The following LRP4 variants were observed in gnomAD, a reference collection of about 807,000 sequenced individuals.
LRP4 encodes low-density lipoprotein receptor-related protein 4.
LRP4 carries 95 observed loss-of-function variants against 220.3 expected under a neutral mutation model. The ratio of observed to expected loss-of-function variants is 0.43; its 90% CI spans 0.37 to 0.51. LRP4 has a LOEUF of 0.51. Among genes scored for constraint, LRP4 ranks in the 20% least tolerant of loss-of-function variants. LRP4 has a pLI of 0.00. For missense variants in LRP4, 1,925 were observed against 2,567.0 expected (o/e 0.75, Z 5.40); for synonymous variants, 903 against 954.6 (o/e 0.95, Z 1.00).
intron 12 of LRP4, 29 bp from the exon 13 acceptor site, chr11:46,893,158 A>C (rs755277182): frequency 5.0e-6 from 8 of 1,613,868 alleles, no homozygotes; most frequent in Admixed American, 3.3e-5. Context: ...AAAAAATGTC[A>C]AGGAGTCAAC....
rs753736864 is a variant in LRP4 at position 46,875,731 on chromosome 11, C to T, written c.3700-50G>A. 2.5e-6 allele frequency: 4 copies of T among 1,612,884 alleles called. No homozygotes were observed. Among genetic ancestry groups the T allele is most frequent in the Non-Finnish European group, 3.4e-6 (4 of 1,179,062 alleles). ...GGTGGTGATCAGCAGATTGGGAACT[C>T]TCCATGGAGATCCTAGGCAGGCCTT... On this transcript the variant is annotated intron_variant, in intron 26 of 37. Coordinates refer to ENST00000378623, the MANE Select transcript of LRP4 (RefSeq NM_002334.4). The surrounding 1 kb of genome is among the most constrained non-coding windows in gnomAD (Gnocchi z 4.5).
intron 7 of LRP4, 27 bp downstream of exon 7, chr11:46,898,525 TCAAGCC>T (rs769136959): frequency 1.3e-5 from 21 of 1,613,566 alleles, no homozygotes; most frequent in Non-Finnish European, 1.5e-5. Context: ...TCTCCTTAGT[TCAAGCC>T]CAACCTAATT....
chr11:46,881,110 G>A (rs1551743), intron 20 of LRP4, among the ~76,000 whole-genome samples: 144,374 of 144,526 alleles, frequency 1, 72,111 homozygotes, highest in Middle Eastern at 1. Context: ...ATCAATGTTA[G>A]ATTTCCTGAT....
In LRP4 at chr11:46,873,127, C is replaced by A; in HGVS notation, c.4556G>T (p.Gly1519Val). Residue 1519 changes from glycine to valine, a missense_variant, in exon 30 of 38, where the codon GGC (glycine) becomes GTC (valine). Around this residue, in one of 3 missense-constraint regions of LRP4, gnomAD observed 1,244 missense variants for 1,624.9 expected, o/e 0.77. Transcript: ENST00000378623. This position sits in a 1 kb window ranked among gnomAD's most constrained non-coding sequence, Gnocchi z 4.2. ...LINTDLGWPN[G>V]LTLDYDTRRI... ...GCGGGTATCATAGTCCAGGGTAAGG[C>A]CATTGGGCCAACCCAGGTCTGTGTT... 6.2e-7 allele frequency: 1 copy of A among 1,614,198 alleles called. No homozygotes were observed. The highest frequency in any genetic ancestry group is 2.2e-5 in the East Asian group (1 of 44,884).
intron 7 of LRP4, among the ~76,000 whole-genome samples, chr11:46,897,477 A>G (rs1408049045): frequency 1.2e-4 from 18 of 150,372 alleles, no homozygotes; most frequent in Non-Finnish European, 1.8e-4. Flanking sequence ...CAGATAAACA[A>G]GTGAACAAAG....
chr11:46,875,323 T>G lies in LRP4; in HGVS notation c.3925+133A>C, dbSNP rs1940981164. ...TACCCAGAGAGAACACAGCCCAATC[T>G]GGAAGGGAGCTTAAACAGGTCACCG... is the stretch of plus-strand genomic sequence containing the variant. On this transcript the variant is annotated intron_variant, in intron 27 of 37. Transcript: ENST00000378623. This position sits in a 1 kb window ranked among gnomAD's most constrained non-coding sequence, Gnocchi z 4.5. 6.4e-6 allele frequency: 6 copies of G among 940,490 alleles called. No individual in the cohort carries two copies. 58.3% of individuals were successfully genotyped at this position (940,490 alleles called of 1,614,324 possible). A position where few individuals can be genotyped will look rare whatever the true frequency, so the allele number is the denominator to read the frequency against.
intron 11 of LRP4, 107 bp from the exon 12 acceptor site, chr11:46,894,926 T>G (rs773859999): frequency 5.6e-6 from 6 of 1,079,586 alleles, no homozygotes; most frequent in Non-Finnish European, 8.4e-6. Flanking sequence ...CACAAGGACA[T>G]GCCCCAAGCT....
At position 46,875,589 on chromosome 11, in the gene LRP4, A is replaced by G. The variant is rs1220952092; in HGVS notation, c.3792T>C (p.Tyr1264=). 1 of 1,614,052 alleles carries G rather than the reference A, an allele frequency of 6.2e-7. No individual in the cohort carries two copies. Among genetic ancestry groups the G allele is most frequent in the Non-Finnish European group, 8.5e-7 (1 of 1,180,002 alleles). ...HPYGLTLLDS[Y]IYWTDWQTRS... is the part of the protein sequence containing the mutation. ...GAGTCTGCCAGTCAGTCCAGTAGATATAGGAGTCGAGCAGGGTGAGGCCAT... is the reference window on the plus strand; with the variant it reads ...GAGTCTGCCAGTCAGTCCAGTAGATGTAGGAGTCGAGCAGGGTGAGGCCAT... The change falls in exon 27 of 38, where the codon TAT becomes TAC. Residue 1264 remains tyrosine (Y), a synonymous_variant. Transcript: ENST00000378623. The surrounding 1 kb of genome is among the most constrained non-coding windows in gnomAD (Gnocchi z 4.5).
In LRP4 at chr11:46,862,652, G is replaced by A; in HGVS notation, c.5339C>T (p.Ala1780Val). The change falls in exon 37 of 38, where the codon GCA becomes GTA. Residue 1780 changes from alanine to valine, a missense_variant. This residue lies in a region of LRP4 where 1,244 missense variants were observed against 1,624.9 expected (regional missense o/e 0.77). Coordinates refer to ENST00000378623, the MANE Select transcript of LRP4 (RefSeq NM_002334.4). ...RTSTQEVKIE[A>V]IPKPAMYNQL... Reference sequence around the variant, plus strand: ...GTTGTACATGGCTGGTTTGGGGATTGCTTCAATCTTCACTTCCTGTGTGGA... The same window carrying A: ...GTTGTACATGGCTGGTTTGGGGATTACTTCAATCTTCACTTCCTGTGTGGA... 6.2e-7 allele frequency: 1 copy of A among 1,614,056 alleles called. No individual in the cohort carries two copies. The highest frequency in any genetic ancestry group is 8.5e-7 in the Non-Finnish European group (1 of 1,179,952).
At position 46,890,008 on chromosome 11, in the gene LRP4, G is replaced by T; in HGVS notation, c.2028C>A (p.Ile676=). 6.2e-7 allele frequency: 1 copy of T among 1,614,186 alleles called. No individual in the cohort carries two copies. Among genetic ancestry groups the T allele is most frequent in the Non-Finnish European group, 8.5e-7 (1 of 1,180,044 alleles). The change falls in exon 15 of 38, where the codon ATC becomes ATA. Residue 676 remains isoleucine, a synonymous_variant. Transcript: ENST00000378623. This position sits in a 1 kb window ranked among gnomAD's most constrained non-coding sequence, Gnocchi z 5.3. Reference sequence around the variant, plus strand: ...TAGGGAAGTGGAGTTTGTTGCGAATGATTTCCTGGTTCTTCCCCGTAAATT... The same window carrying T: ...TAGGGAAGTGGAGTTTGTTGCGAATTATTTCCTGGTTCTTCCCCGTAAATT... ...ANKFTGKNQE[I]IRNKLHFPMD... is the part of the protein sequence containing the mutation.
At chr11:46,861,320 G>A (rs1458899375) in intron 37 of LRP4, among the ~76,000 whole-genome samples, 1 of 152,018 alleles carries the variant, frequency 6.6e-6, no homozygotes, top group Non-Finnish European at 1.5e-5. Context: ...TATGTGAAAT[G>A]TGTTTATTAC....
intron 35 of LRP4, 105 bp from the exon 36 acceptor site, chr11:46,864,640 C>G: frequency 1.3e-6 from 1 of 793,774 alleles, no homozygotes. Context: ...GTGTTGGACC[C>G]CATACCATCT....
chr11:46,906,352 AG>A (rs1295325426), intron 1 of LRP4, among the ~76,000 whole-genome samples: 3 of 152,080 alleles, frequency 2.0e-5, no homozygotes, highest in Non-Finnish European at 2.9e-5. Flanking sequence ...GCTACTTGGG[AG>A]GCTGAAGCAA....
chr11:46,887,382 G>A (rs1941318647), intron 16 of LRP4, among the ~76,000 whole-genome samples: 2 of 152,178 alleles, frequency 1.3e-5, no homozygotes, highest in South Asian at 4.1e-4. Flanking sequence ...AGACAACAGG[G>A]GAAGCGCTGG....
rs1941502709 is a variant in LRP4 at position 46,895,292 on chromosome 11, C to T, written c.1184-1G>A. The T allele has an allele frequency of 6.2e-7, 1 of 1,612,712 alleles. No individual in the cohort carries two copies. The highest frequency in any genetic ancestry group is 8.5e-7 in the Non-Finnish European group (1 of 1,180,026). ...CCCTCCTCGGCACATTCATTCACAT[C>T]TGGGAACACCAGGCAGGTCAAGAGA... On this transcript the variant is annotated splice_acceptor_variant, in intron 10 of 37. Coordinates refer to ENST00000378623, the MANE Select transcript of LRP4 (RefSeq NM_002334.4). LOFTEE classifies it high-confidence loss of function.
At chr11:46,864,578 T>A (rs771351251) in intron 35 of LRP4, 43 bp from the exon 36 acceptor site, 4 of 1,280,740 alleles carry the variant, frequency 3.1e-6, no homozygotes, top group South Asian at 2.4e-5. Context: ...CACCGACAAC[T>A]TTCTAGCGGT....
intron 34 of LRP4, among the ~76,000 whole-genome samples, chr11:46,867,619 G>A (rs559475621): frequency 4.6e-5 from 7 of 152,086 alleles, no homozygotes; most frequent in Non-Finnish European, 8.8e-5. Context: ...GTGCCACCAC[G>A]CTCAGCTAAT....
At chr11:46,869,769 T>A (rs1010709659) in intron 31 of LRP4, among the ~76,000 whole-genome samples, 8 of 152,196 alleles carry the variant, frequency 5.3e-5, no homozygotes, top group Admixed American at 4.6e-4. Flanking sequence ...GTTTTACATT[T>A]AGAATATGAA....
Position 46,873,457 on chromosome 11 carries a change from T to G in LRP4, c.4366A>C (p.Arg1456=), listed in dbSNP as rs1940923419. ...DTGRNTIEAS[R]LDGSCRKVLI... ...ACTTTGCGGCAGGAACCATCCAGCC[T>G]GGACGCCTCAATGGTATTTCGACCT... Residue 1456 remains arginine, a synonymous_variant, in exon 29 of 38, where the codon AGG becomes CGG. Transcript: ENST00000378623. The surrounding 1 kb of genome is among the most constrained non-coding windows in gnomAD (Gnocchi z 4.2). 6.2e-7 allele frequency: 1 copy of G among 1,614,112 alleles called. No homozygotes were observed. Among genetic ancestry groups the G allele is most frequent in the South Asian group, 1.1e-5 (1 of 91,090 alleles).
Sources: gnomAD v4.1 joint callset for allele counts (sites outside exome capture counted in the v4.1 genomes callset) on GRCh38, gnomAD v4.1.1 for gene constraint, gnomAD v4.1.1 regional missense constraint, Gnocchi (gnomAD v3.1) non-coding constraint, MANE v1.5 for transcripts, NCBI Gene and HGNC (gene_info 2026-07-23, HGNC 2026-07-21) for gene names.